Variants in MFF observed in about 807,000 individuals in gnomAD.
MFF encodes the protein mitochondrial fission factor.
MFF carries 12 observed loss-of-function variants against 36.9 expected under a neutral mutation model. The observed-to-expected ratio is 0.33, with a 90% confidence interval of 0.21 to 0.53. The LOEUF (loss-of-function observed/expected upper bound fraction) is 0.53. Ranked by LOEUF, MFF falls within the 20% of genes least tolerant of loss-of-function variation. MFF has a pLI of 0.95. For synonymous variants in MFF, 99 were observed against 126.2 expected, an observed-to-expected ratio of 0.78 and a Z score of 1.44; for missense variants, 348 against 366.6, an observed-to-expected ratio of 0.95 and a Z score of 0.42.
chr2:227,329,786 C>T (rs757615761), intron 2 of MFF: 1 of 1,491,370 alleles, frequency 6.7e-7, no homozygotes, highest in South Asian at 1.2e-5. Context: ...CTAGGAAGGT[C>T]AGTGAAATTT....
chr2:227,331,959 A>ATTTT lies in MFF; in HGVS notation c.182-433_182-430dup, dbSNP rs10549336. On this transcript the variant is annotated intron_variant, in intron 3 of 8. Transcript: ENST00000304593. ...AGTGAAATGTCAATACGCTGGAAGC[A>ATTTT]TTTTTTTTTTTTTTTTTTTTTTTTT... 6.1e-4 allele frequency among the ~76,000 whole-genome samples: 47 copies of ATTTT among 76,792 alleles called. 6 individuals carry two copies. Among genetic ancestry groups the ATTTT allele is most frequent in the South Asian group, 2.0e-3 (4 of 1,968 alleles). 50.4% of individuals were successfully genotyped at this position (76,792 alleles called of 152,430 possible).
intron 8 of MFF, 39 bp downstream of exon 8, chr2:227,355,800 A>G: frequency 1.6e-6 from 2 of 1,251,058 alleles, no homozygotes; most frequent in Middle Eastern, 1.9e-4. Context: ...TCTCAGTTAT[A>G]TTCATACAAT....
chr2:227,330,952 ATG>A, intron 3 of MFF, 106 bp downstream of exon 3: 1 of 849,112 alleles, frequency 1.2e-6, no homozygotes, highest in South Asian at 1.8e-5. Flanking sequence ...GAGTTGGAAA[ATG>A]CAACTTTATA....
chr2:227,355,884 G>C, intron 8 of MFF, 123 bp downstream of exon 8: 1 of 608,702 alleles, frequency 1.6e-6, no homozygotes, highest in African/African-American at 1.9e-5. Context: ...AGCCATCATT[G>C]ATTTTCTCAT....
intron 8 of MFF, among the ~76,000 whole-genome samples, chr2:227,356,111 G>A (rs1022447152): frequency 7.9e-5 from 12 of 152,150 alleles, no homozygotes; most frequent in Non-Finnish European, 1.6e-4. Context: ...GCTCCTTGCA[G>A]CTTGCACAGC....
intron 4 of MFF, among the ~76,000 whole-genome samples, chr2:227,335,694 T>C (rs1031075854): frequency 3.3e-4 from 50 of 152,178 alleles, no homozygotes; most frequent in African/African-American, 1.2e-3. Context: ...TAGAAAGCAG[T>C]TGTACTTGAG....
At position 227,331,295 on chromosome 2, in the gene MFF, C is replaced by G. The variant is rs568239374; in HGVS notation, c.181+449C>G. ...GGAATCATAGAGTATATACTCTTAT[C>G]TGTCTTCTTTTGTTCAGTGTAATGT... On this transcript the variant is annotated intron_variant, in intron 3 of 8. Coordinates refer to ENST00000304593, the MANE Select transcript of MFF (RefSeq NM_001277062.2). Among the ~76,000 whole-genome samples, 17 of 152,300 alleles carry G rather than the reference C, an allele frequency of 1.1e-4. No homozygotes were observed. In the South Asian group the frequency reaches 3.5e-3, roughly 32 times the overall value.
At chr2:227,348,320 G>T (rs1016881144) in intron 6 of MFF, among the ~76,000 whole-genome samples, 2 of 152,028 alleles carry the variant, frequency 1.3e-5, no homozygotes, top group East Asian at 3.9e-4. Flanking sequence ...CCTCACACAG[G>T]CCCTGGGTAT....
intron 4 of MFF, among the ~76,000 whole-genome samples, chr2:227,334,698 A>G (rs1433352359): frequency 2.6e-5 from 4 of 152,134 alleles, no homozygotes; most frequent in Admixed American, 2.0e-4. Context: ...TGCACTGTAG[A>G]ATGTTTGCAA....
At chr2:227,345,673 TG>T (rs796476198) in intron 5 of MFF, among the ~76,000 whole-genome samples, 41 of 152,316 alleles carry the variant, frequency 2.7e-4, no homozygotes, top group Middle Eastern at 3.4e-3. Flanking sequence ...ACAAATAGGA[TG>T]TTTTTTTTAT....
intron 1 of MFF, among the ~76,000 whole-genome samples, chr2:227,326,448 A>G (rs2074142808): frequency 6.6e-6 from 1 of 152,156 alleles, no homozygotes; most frequent in Non-Finnish European, 1.5e-5. Context: ...TTCCCATGCA[A>G]TTAAATTGCT....
chr2:227,328,892 T>A (rs958532856), intron 2 of MFF, 103 bp downstream of exon 2: 6 of 152,178 alleles, frequency 3.9e-5, no homozygotes, highest in African/African-American at 7.2e-5. Flanking sequence ...TGATAAAGAA[T>A]AAAAGATGTG....
In MFF at chr2:227,356,874, GTAA is replaced by G. The variant is rs998300457; in HGVS notation, c.745-106_745-104del. 8.3e-6 allele frequency: 7 copies of G among 838,628 alleles called. No individual in the cohort carries two copies. The African/African-American group carries it at 1.0e-4, about 12-fold the overall frequency. The allele number at this position is 838,628 out of a possible 1,614,324, so 51.9% of individuals were successfully genotyped here. A position where few individuals can be genotyped will look rare whatever the true frequency, so the allele number is the denominator to read the frequency against. ...GCTCCAAATGAAACTTTCCATGTTT[GTAA>G]TAATACTTTTGTTGACAAATTATTA... On this transcript the variant is annotated intron_variant, in intron 8 of 8. Transcript: ENST00000304593.
At position 227,325,383 on chromosome 2, in the gene MFF, C is replaced by G. The variant is rs530024154; in HGVS notation, c.-197C>G. The G allele has an allele frequency of 7.7e-5, 12 of 155,764 alleles. No individual in the cohort carries two copies. In the East Asian group the frequency reaches 2.3e-3, roughly 30 times the overall value. 9.6% of individuals were successfully genotyped at this position (155,764 alleles called of 1,614,324 possible). A position where few individuals can be genotyped will look rare whatever the true frequency, so the allele number is the denominator to read the frequency against. On this transcript the variant is annotated 5_prime_UTR_variant, in exon 1 of 9. Coordinates refer to ENST00000304593, the MANE Select transcript of MFF (RefSeq NM_001277062.2). ...AGCGCCCACTCGAGCGCCCCGGGAG[C>G]CAGAGGGCGGGGGTCCTCGCCGGGA...
At chr2:227,330,952 A>T in intron 3 of MFF, 106 bp downstream of exon 3, 1 of 849,110 alleles carries the variant, frequency 1.2e-6, no homozygotes, top group Non-Finnish European at 1.8e-6. Flanking sequence ...GAGTTGGAAA[A>T]TGCAACTTTA....
At chr2:227,336,387 A>C (rs2075005803) in intron 4 of MFF, among the ~76,000 whole-genome samples, 1 of 152,260 alleles carries the variant, frequency 6.6e-6, no homozygotes, top group Non-Finnish European at 1.5e-5. Context: ...GAGAAATACG[A>C]GAATACTATT....
chr2:227,354,213 TTATTAAAG>T (rs1417933226), intron 7 of MFF, among the ~76,000 whole-genome samples: 1 of 152,236 alleles, frequency 6.6e-6, no homozygotes, highest in Admixed American at 6.5e-5. Flanking sequence ...TTTGCATACT[TTATTAAAG>T]TATTTTTATT....
At chr2:227,342,128 T>G (rs527335497) in intron 5 of MFF, among the ~76,000 whole-genome samples, 1 of 152,210 alleles carries the variant, frequency 6.6e-6, no homozygotes, top group South Asian at 2.1e-4. Flanking sequence ...TCTAAATTTT[T>G]AGTAAAACTG....
chr2:227,356,259 G>A (rs2076252617), intron 8 of MFF, among the ~76,000 whole-genome samples: 1 of 152,104 alleles, frequency 6.6e-6, no homozygotes, highest in African/African-American at 2.4e-5. Context: ...AGGCATAGTT[G>A]GTTTTCTCAT....
Sources: gnomAD v4.1 joint callset for allele counts (sites outside exome capture counted in the v4.1 genomes callset) on GRCh38, gnomAD v4.1.1 for gene constraint, MANE v1.5 for transcripts, NCBI Gene and HGNC (gene_info 2026-07-23, HGNC 2026-07-21) for gene names.